Variants in FREM2 observed in about 807,000 individuals in gnomAD.
FREM2 encodes FRAS1-related extracellular matrix protein 2.
A neutral mutation model predicts 219.9 loss-of-function variants in FREM2; 119 were observed. The observed-to-expected ratio is 0.54, with a 90% CI of 0.47 to 0.63. FREM2 has a LOEUF of 0.63. Ranked by LOEUF, FREM2 falls within the 30% of genes least tolerant of loss-of-function variation. The pLI is 0.00. For synonymous variants in FREM2, 1,562 were observed against 1,522.8 expected, an observed-to-expected ratio of 1.03 and a Z score of -0.60; for missense variants, 4,030 against 3,993.6, an observed-to-expected ratio of 1.01 and a Z score of -0.25.
chr13:38,833,576 A>T (rs1334553474), intron 6 of FREM2, among the ~76,000 whole-genome samples: 1 of 152,192 alleles, frequency 6.6e-6, no homozygotes, highest in Non-Finnish European at 1.5e-5. Context: ...CCTTACTGTT[A>T]TCTCAATTTT....
chr13:38,705,273 T>C (rs1360133084), intron 2 of FREM2, among the ~76,000 whole-genome samples: 1 of 151,702 alleles, frequency 6.6e-6, no homozygotes, highest in African/African-American at 2.4e-5. Context: ...GAGTGTAGGG[T>C]AAGAAAAAAG....
At chr13:38,828,422 A>G (rs1876376651) in intron 6 of FREM2, among the ~76,000 whole-genome samples, 1 of 152,168 alleles carries the variant, frequency 6.6e-6, no homozygotes, top group African/African-American at 2.4e-5. Flanking sequence ...ATAAGAATAC[A>G]TAATGGCCAG....
intron 2 of FREM2, among the ~76,000 whole-genome samples, chr13:38,715,107 T>A (rs1317659146): frequency 6.6e-6 from 1 of 151,938 alleles, no homozygotes; most frequent in East Asian, 1.9e-4. Flanking sequence ...AATAAATAAA[T>A]GAATAAATAA....
At chr13:38,880,251 G>A in intron 23 of FREM2, 33 bp from the exon 24 acceptor site, 1 of 1,603,136 alleles carries the variant, frequency 6.2e-7, no homozygotes, top group Non-Finnish European at 8.5e-7. Context: ...ATGGTATCTA[G>A]TATTTCCTAA....
chr13:38,766,044 T>TA (rs1301158280), intron 3 of FREM2, among the ~76,000 whole-genome samples: 1 of 152,204 alleles, frequency 6.6e-6, no homozygotes, highest in Non-Finnish European at 1.5e-5. Flanking sequence ...AAATGATAAC[T>TA]AAAAAACAGA....
chr13:38,859,280 T>A lies in FREM2; in HGVS notation c.7216-7T>A. 1 of 1,614,026 alleles carries A rather than the reference T, an allele frequency of 6.2e-7. No individual in the cohort carries two copies. Among genetic ancestry groups the A allele is most frequent in the South Asian group, 1.1e-5 (1 of 91,078 alleles). ...CTGTTCCTAACACAGTCATTTGTTT[T>A]CCGTAGGCTTGCAACCCCAAATATT... On this transcript the variant is annotated splice_region_variant and splice_polypyrimidine_tract_variant and intron_variant, in intron 13 of 23. Transcript: ENST00000280481.
At chr13:38,868,262 T>C (rs1878039403) in intron 16 of FREM2, among the ~76,000 whole-genome samples, 2 of 152,220 alleles carry the variant, frequency 1.3e-5, no homozygotes, top group Admixed American at 1.3e-4. Context: ...ACAAAATATC[T>C]AATAATAGTA....
chr13:38,803,061 A>G (rs1875083975), intron 6 of FREM2, among the ~76,000 whole-genome samples: 1 of 151,818 alleles, frequency 6.6e-6, no homozygotes, highest in Non-Finnish European at 1.5e-5. Context: ...AATATTTGCT[A>G]TTTCGGTTTC....
intron 4 of FREM2, among the ~76,000 whole-genome samples, chr13:38,781,334 C>T (rs1250876110): frequency 6.6e-6 from 1 of 152,148 alleles, no homozygotes; most frequent in Non-Finnish European, 1.5e-5. Context: ...TCTAATTCTA[C>T]CAGAGACTTT....
intron 6 of FREM2, among the ~76,000 whole-genome samples, chr13:38,797,469 G>T (rs1203900317): frequency 2.0e-5 from 3 of 151,862 alleles, no homozygotes; most frequent in African/African-American, 7.3e-5. Flanking sequence ...TTAAAAAATT[G>T]CTGAGTTGTT....
chr13:38,850,053 T>G lies in FREM2; in HGVS notation c.6395T>G (p.Phe2132Cys). The stretch of plus-strand genomic sequence containing the variant: ...GTTTTTGCAGTGCCTAAGATGCAAT[T>G]CAAAGAACGAATATATACTGGCAGC... The part of the protein sequence containing the change: ...DSVSDLPKMQ[F>C]KERIYTGSES... The change falls in exon 9 of 24, where the codon TTC becomes TGC. Residue 2132 changes from phenylalanine (F) to cysteine (C), a missense_variant. Phe to Cys is a radical substitution (Grantham distance 205, BLOSUM62 -2). Transcript: ENST00000280481. 6.2e-7 allele frequency: 1 copy of G among 1,613,848 alleles called. No individual in the cohort carries two copies. Among genetic ancestry groups the G allele is most frequent in the Non-Finnish European group, 8.5e-7 (1 of 1,179,776 alleles).
chr13:38,842,920 C>T (rs1010733617), intron 6 of FREM2, among the ~76,000 whole-genome samples: 2 of 152,134 alleles, frequency 1.3e-5, no homozygotes, highest in African/African-American at 4.8e-5. Context: ...CCTTGAGAAG[C>T]GCATTTATGT....
chr13:38,824,737 G>A (rs1876207065), intron 6 of FREM2, among the ~76,000 whole-genome samples: 1 of 151,982 alleles, frequency 6.6e-6, no homozygotes, highest in Non-Finnish European at 1.5e-5. Flanking sequence ...AACCTGAAAG[G>A]ATATCACAAA....
intron 2 of FREM2, among the ~76,000 whole-genome samples, chr13:38,749,196 T>G (rs1013183439): frequency 1.3e-5 from 2 of 152,174 alleles, no homozygotes; most frequent in South Asian, 4.1e-4. Flanking sequence ...TATCAAACTT[T>G]GACACAGTTT....
In FREM2 at chr13:38,859,492, C is replaced by T; in HGVS notation, c.7421C>T (p.Pro2474Leu). 1 of 1,614,122 alleles carries T rather than the reference C, an allele frequency of 6.2e-7. No homozygotes were observed. The highest frequency in any genetic ancestry group is 8.5e-7 in the Non-Finnish European group (1 of 1,180,016). The change falls in exon 14 of 24, where the codon CCT becomes CTT. Residue 2474 changes from proline (P) to leucine (L), a missense_variant. By Grantham distance (98) the Pro-to-Leu change is moderately conservative (BLOSUM62 -3). Coordinates refer to ENST00000280481, the MANE Select transcript of FREM2 (RefSeq NM_207361.6). The part of the protein sequence containing the change: ...MVTLDSIYFQ[P>L]GSRVQCAARA... ...ACACTGGACTCCATATACTTTCAGC[C>T]TGGCTCCCGGGTACAGTGCGCAGCT...
intron 2 of FREM2, among the ~76,000 whole-genome samples, chr13:38,729,540 G>T (rs186346358): frequency 6.6e-6 from 1 of 151,960 alleles, no homozygotes; most frequent in East Asian, 1.9e-4. Context: ...TTTTATTTCT[G>T]TCATCTTTAG....
At position 38,881,794 on chromosome 13, in the gene FREM2, A is replaced by G. The variant is rs942901507; in HGVS notation, c.*1007A>G. 1 of 152,392 alleles carries G rather than the reference A, an allele frequency of 6.6e-6. No homozygotes were observed. The highest frequency in any genetic ancestry group is 2.4e-5 in the African/African-American group (1 of 41,456). The allele number at this position is 152,392 out of a possible 1,614,324, so 9.4% of individuals were successfully genotyped here. A position where few individuals can be genotyped will look rare whatever the true frequency, so the allele number is the denominator to read the frequency against. On this transcript the variant is annotated 3_prime_UTR_variant, in exon 24 of 24. Transcript: ENST00000280481. ...GTGCCTCTTATACATACTTTATAGA[A>G]TAAAGGAACATTTTGACAGATGAGG... is the stretch of plus-strand genomic sequence containing the variant.
chr13:38,690,079 A>G lies in FREM2; in HGVS notation c.2735A>G (p.Asp912Gly). ...CATAATGGGGACAAGTCCCTGACTGATAGCTGCTCCTTGGAAGTCAGTGAC... is the reference window on the plus strand; with the variant it reads ...CATAATGGGGACAAGTCCCTGACTGGTAGCTGCTCCTTGGAAGTCAGTGAC... Reference protein sequence around the residue: ...YAHNGDKSLTDSCSLEVSDRH... With the variant: ...YAHNGDKSLTGSCSLEVSDRH... Residue 912 changes from aspartate (D) to glycine (G), a missense_variant, in exon 1 of 24, where the codon GAT becomes GGT. This residue lies in a region of FREM2 where 3,102 missense variants were observed against 2,950.7 expected (regional missense o/e 1.05). Transcript: ENST00000280481. 1 of 1,614,026 alleles carries G rather than the reference A, an allele frequency of 6.2e-7. No individual in the cohort carries two copies. Among genetic ancestry groups the G allele is most frequent in the Non-Finnish European group, 8.5e-7 (1 of 1,180,024 alleles).
At chr13:38,834,384 A>T (rs1396736498) in intron 6 of FREM2, among the ~76,000 whole-genome samples, 3 of 152,172 alleles carry the variant, frequency 2.0e-5, no homozygotes, top group African/African-American at 4.8e-5. Flanking sequence ...TCCATGGTAT[A>T]TATGTGCCAC....
Sources: allele counts gnomAD v4.1 joint callset (sites outside exome capture counted in the v4.1 genomes callset), GRCh38; gene constraint gnomAD v4.1.1; regional missense constraint gnomAD v4.1.1; transcripts MANE v1.5; gene names NCBI Gene and HGNC (gene_info 2026-07-23, HGNC 2026-07-21).